Variants in PPP3CB observed in about 807,000 individuals in gnomAD.
PPP3CB encodes the protein protein phosphatase 3 catalytic subunit beta.
A neutral mutation model predicts 66.4 loss-of-function variants in PPP3CB; 8 were observed. The ratio of observed to expected loss-of-function variants is 0.12; its 90% CI spans 0.07 to 0.22. The LOEUF (loss-of-function observed/expected upper bound fraction) is 0.22. Among genes scored for constraint, PPP3CB ranks in the 10% least tolerant of loss-of-function variants. The probability of loss-of-function intolerance (pLI) is 1.00; values close to 1 mark genes in which losing one functional copy is unlikely to be tolerated. For synonymous variants in PPP3CB, 208 were observed against 221.2 expected, an observed-to-expected ratio of 0.94 and a Z score of 0.53; for missense variants, 319 against 642.5, an observed-to-expected ratio of 0.50 and a Z score of 5.44.
At chr10:73,484,210 A>G (rs192908868) in intron 1 of PPP3CB, among the ~76,000 whole-genome samples, 9 of 151,980 alleles carry the variant, frequency 5.9e-5, no homozygotes, top group African/African-American at 1.9e-4. Context: ...ATTTCCATAT[A>G]GTTTTCAGGC....
At chr10:73,479,801 T>C (rs571318937) in intron 1 of PPP3CB, among the ~76,000 whole-genome samples, 1 of 152,364 alleles carries the variant, frequency 6.6e-6, no homozygotes, top group Admixed American at 6.5e-5. Context: ...CAAAACATTT[T>C]TAGGCAGAAC....
intron 1 of PPP3CB, among the ~76,000 whole-genome samples, chr10:73,486,853 T>A (rs567684303): frequency 6.6e-6 from 1 of 152,302 alleles, no homozygotes; most frequent in Admixed American, 6.5e-5. Context: ...TCTGGCTAGT[T>A]TACCCTTGTC....
chr10:73,457,737 C>CAAAAAAAAAAAA (rs200840556), intron 9 of PPP3CB, among the ~76,000 whole-genome samples: 2 of 87,828 alleles, frequency 2.3e-5, no homozygotes. Flanking sequence ...GACCCTGTCT[C>CAAAAAAAAAAAA]AAAAAAAAAA....
At chr10:73,483,889 G>A (rs2056925999) in intron 1 of PPP3CB, among the ~76,000 whole-genome samples, 1 of 151,564 alleles carries the variant, frequency 6.6e-6, no homozygotes, top group Non-Finnish European at 1.5e-5. Flanking sequence ...CATGTCTGCA[G>A]TCCCAGCACT....
At chr10:73,483,353 G>A (rs1166696371) in intron 1 of PPP3CB, among the ~76,000 whole-genome samples, 2 of 152,096 alleles carry the variant, frequency 1.3e-5, no homozygotes, top group Non-Finnish European at 2.9e-5. Context: ...AAAATAGGCA[G>A]TTTCAAATGA....
intron 12 of PPP3CB, among the ~76,000 whole-genome samples, chr10:73,443,328 GAAA>G (rs554377408): frequency 7.6e-6 from 1 of 131,068 alleles, no homozygotes; most frequent in South Asian, 2.4e-4. Context: ...AAGAAAGAAA[GAAA>G]AAGAAAGAGA....
chr10:73,469,833 C>T (rs2056675918), intron 8 of PPP3CB, among the ~76,000 whole-genome samples: 1 of 152,190 alleles, frequency 6.6e-6, no homozygotes, highest in Admixed American at 6.5e-5. Context: ...GTTCTTTCCT[C>T]TTGGCACATC....
intron 9 of PPP3CB, among the ~76,000 whole-genome samples, chr10:73,458,040 T>C (rs1170432437): frequency 2.0e-5 from 3 of 152,210 alleles, no homozygotes; most frequent in African/African-American, 2.4e-5. Flanking sequence ...AGTCTGGTGA[T>C]AGATACACTA....
chr10:73,493,666 A>G (rs562633962), intron 1 of PPP3CB, among the ~76,000 whole-genome samples: 2 of 152,342 alleles, frequency 1.3e-5, no homozygotes, highest in East Asian at 1.9e-4. Flanking sequence ...AGGAATTCCA[A>G]CTGGTTAACA....
At chr10:73,473,383 G>A (rs897210149) in intron 4 of PPP3CB, among the ~76,000 whole-genome samples, 24 of 152,166 alleles carry the variant, frequency 1.6e-4, no homozygotes, top group Admixed American at 2.0e-4. Flanking sequence ...GCCAGATGCG[G>A]TGGTTCACAC....
intron 1 of PPP3CB, among the ~76,000 whole-genome samples, chr10:73,480,185 G>T (rs2056850787): frequency 6.6e-6 from 1 of 152,056 alleles, no homozygotes; most frequent in African/African-American, 2.4e-5. Flanking sequence ...ATTAATTTAG[G>T]AGGCTTAAAA....
intron 9 of PPP3CB, among the ~76,000 whole-genome samples, chr10:73,463,894 CA>C (rs763573992): frequency 2.0e-5 from 3 of 152,080 alleles, no homozygotes; most frequent in Non-Finnish European, 2.9e-5. Context: ...CTCGGCCTCC[CA>C]AAGTGCTGAG....
intron 3 of PPP3CB, among the ~76,000 whole-genome samples, chr10:73,477,809 T>G (rs2056815630): frequency 6.6e-6 from 1 of 151,924 alleles, no homozygotes; most frequent in African/African-American, 2.4e-5. Flanking sequence ...CCCAGCTATT[T>G]GAGAGACTGG....
chr10:73,484,461 T>G (rs1162987475), intron 1 of PPP3CB, among the ~76,000 whole-genome samples: 1 of 151,754 alleles, frequency 6.6e-6, no homozygotes, highest in Non-Finnish European at 1.5e-5. Flanking sequence ...TTAGTAGAGA[T>G]GGGGTTTCAC....
Position 73,471,271 on chromosome 10 carries a change from A to C in PPP3CB, c.670-62T>G, listed in dbSNP as rs1216151664. On this transcript the variant is annotated intron_variant, in intron 5 of 13. Transcript: ENST00000360663. ...ATCAAAAAGTAAGGATAAAATGTGC[A>C]TAGGAAAACGATACCAACTTTGAAT... is the stretch of plus-strand genomic sequence containing the variant. 3 of 1,495,374 alleles carry C rather than the reference A, an allele frequency of 2.0e-6. No homozygotes were observed. In the Admixed American group the frequency reaches 6.1e-5, roughly 31 times the overall value. 92.6% of individuals were successfully genotyped at this position (1,495,374 alleles called of 1,614,324 possible). A position where few individuals can be genotyped will look rare whatever the true frequency, so the allele number is the denominator to read the frequency against.
intron 9 of PPP3CB, among the ~76,000 whole-genome samples, chr10:73,459,758 T>C (rs2056490587): frequency 6.6e-6 from 1 of 152,100 alleles, no homozygotes; most frequent in African/African-American, 2.4e-5. Flanking sequence ...AATAGGTGAA[T>C]CTATGGGGAC....
chr10:73,446,669 T>A, intron 10 of PPP3CB, 96 bp from the exon 11 acceptor site: 2 of 1,135,728 alleles, frequency 1.8e-6, no homozygotes, highest in Non-Finnish European at 2.6e-6. Context: ...TCTAAACCAG[T>A]ACCAAGACCC....
intron 1 of PPP3CB, among the ~76,000 whole-genome samples, chr10:73,494,452 TA>T (rs1296905794): frequency 6.6e-6 from 1 of 152,042 alleles, no homozygotes. Flanking sequence ...CATGCCCGGC[TA>T]ATTTTTATTT....
intron 12 of PPP3CB, chr10:73,444,267 C>T (rs2056210497): frequency 4.5e-6 from 1 of 222,424 alleles, no homozygotes; most frequent in Non-Finnish European, 8.8e-6. Context: ...AGGTAGTTAA[C>T]TCTAAATTAA....
Sources: allele counts gnomAD v4.1 joint callset (sites outside exome capture counted in the v4.1 genomes callset), GRCh38; gene constraint gnomAD v4.1.1; transcripts MANE v1.5; gene names NCBI Gene and HGNC (gene_info 2026-07-23, HGNC 2026-07-21).